XIRP2: variants seen among roughly 807,000 people sequenced by gnomAD.
The protein encoded by XIRP2 is xin actin binding repeat containing 2.
XIRP2 carries 236 observed loss-of-function variants against 277.0 expected under a neutral mutation model. The ratio of observed to expected loss-of-function variants is 0.85; its 90% confidence interval spans 0.77 to 0.95. The LOEUF (loss-of-function observed/expected upper bound fraction) is 0.95. Ranked by LOEUF, XIRP2 falls within the 40% of genes least tolerant of loss-of-function variation. The pLI, the probability that XIRP2 is intolerant of heterozygous loss-of-function variation, is 0.00. For synonymous variants in XIRP2, 1,490 were observed against 1,416.5 expected (o/e 1.05, Z -1.17); for missense variants, 4,640 against 4,157.5 (o/e 1.12, Z -3.19).
rs376240141 is a variant in XIRP2, at chr2:167,243,650, A to T, written c.2258A>T (p.Glu753Val). ...VIRDGSGQML[E>V]IKTVHREDVE... is the part of the protein sequence containing the mutation. ...AGAGATGGTTCGGGCCAAATGCTGG[A>T]AATTAAAACTGTTCACAGAGAAGAC... The change falls in exon 9 of 11, where the codon GAA becomes GTA. Residue 753 changes from glutamate (E) to valine (V), a missense_variant. Transcript: ENST00000409195. 1 of 1,613,962 alleles carries T rather than the reference A, an allele frequency of 6.2e-7. No homozygotes were observed. The highest frequency in any genetic ancestry group is 8.5e-7 in the Non-Finnish European group (1 of 1,179,992).
At chr2:167,191,723 C>G (rs1444552992) in intron 3 of XIRP2, among the ~76,000 whole-genome samples, 1 of 152,304 alleles carries the variant, frequency 6.6e-6, no homozygotes, top group East Asian at 1.9e-4. Context: ...GGACACATCA[C>G]TTTTCACTAC....
chr2:166,959,673 A>G (rs1686252141), intron 2 of XIRP2, among the ~76,000 whole-genome samples: 1 of 151,848 alleles, frequency 6.6e-6, no homozygotes, highest in Non-Finnish European at 1.5e-5. Flanking sequence ...ATCTCAGCAT[A>G]GCAGGGTTTA....
At chr2:167,226,285 C>T (rs1694599286) in intron 5 of XIRP2, among the ~76,000 whole-genome samples, 1 of 152,136 alleles carries the variant, frequency 6.6e-6, no homozygotes, top group South Asian at 2.1e-4. Context: ...AAAACTGTGT[C>T]CATGGCGCTG....
At chr2:166,963,524 C>A (rs747806196) in intron 2 of XIRP2, among the ~76,000 whole-genome samples, 2 of 151,822 alleles carry the variant, frequency 1.3e-5, no homozygotes, top group Non-Finnish European at 2.9e-5. Flanking sequence ...GAGACTCTTT[C>A]GTAAGGAATG....
intron 8 of XIRP2, 35 bp from the exon 9 acceptor site, chr2:167,242,534 C>G (rs1219861939): frequency 6.4e-7 from 1 of 1,573,336 alleles, no homozygotes; most frequent in South Asian, 1.2e-5. Context: ...CCACTACACT[C>G]ACCTTTATAA....
rs569665350 is a variant in XIRP2, at chr2:166,920,345, C to G, written c.408+16455C>G. Among the ~76,000 whole-genome samples, 7 of 152,204 alleles carry G rather than the reference C, an allele frequency of 4.6e-5. 1 individual carries two copies. The highest frequency in any genetic ancestry group is 1.7e-4 in the African/African-American group (7 of 41,538). ...TTCAAGTTGATCTCAGTCCAGAAGC[C>G]ACAATATTAAAATACTGCTCTCTAG... On this transcript the variant is annotated intron_variant, in intron 2 of 10. Transcript: ENST00000409195.
chr2:167,088,698 A>G lies in XIRP2; in HGVS notation c.409-47211A>G, dbSNP rs191992463. Among the ~76,000 whole-genome samples the G allele has an allele frequency of 7.2e-5, 11 of 152,154 alleles. 1 individual carries two copies. The highest frequency in any genetic ancestry group is 5.8e-4 in the East Asian group (3 of 5,168). On this transcript the variant is annotated intron_variant, in intron 2 of 10. Transcript: ENST00000409195. ...GCCCCAGGCATACTGGCCTTCCTCA[A>G]TTCCCCCAAATCCCTAGCACATGCT...
chr2:167,245,725 C>T lies in XIRP2; in HGVS notation c.4333C>T (p.Gln1445Ter). Residue 1445 changes from glutamine to a stop codon, truncating the protein, a stop_gained, in exon 9 of 11, where the codon CAA becomes TAA. Coordinates refer to ENST00000409195, the MANE Select transcript of XIRP2 (RefSeq NM_152381.6). LOFTEE classifies it high-confidence loss of function. Reference sequence around the variant, plus strand: ...ACGAACAGTAAGTGTCAATGAAATACAAAAGGGCAATGTTAAAACATCTAC... The same window carrying T: ...ACGAACAGTAAGTGTCAATGAAATATAAAAGGGCAATGTTAAAACATCTAC... Reference protein sequence around the residue: ...YIRTVSVNEIQKGNVKTSTWL... With the variant: ...YIRTVSVNEI 2 of 1,613,558 alleles carry T rather than the reference C, an allele frequency of 1.2e-6. No homozygotes were observed. Among genetic ancestry groups the T allele is most frequent in the Non-Finnish European group, 1.7e-6 (2 of 1,179,712 alleles).
chr2:167,194,256 T>A (rs112733542), intron 3 of XIRP2, among the ~76,000 whole-genome samples: 4,353 of 151,912 alleles, frequency 0.029, 95 homozygotes, highest in African/African-American at 0.053. Flanking sequence ...AATTTTTGTA[T>A]TTTTAGTAGA....
In XIRP2 at chr2:167,244,551, A is replaced by G; in HGVS notation, c.3159A>G (p.Lys1053=). 6.2e-7 allele frequency: 1 copy of G among 1,613,022 alleles called. No homozygotes were observed. Among genetic ancestry groups the G allele is most frequent in the Non-Finnish European group, 8.5e-7 (1 of 1,179,582 alleles). The part of the protein sequence containing the change: ...SAQEIQTGNV[K]SAKWLFETQP... ...AAGAAATACAGACTGGAAATGTGAA[A>G]TCTGCCAAATGGTTGTTTGAAACCC... The change falls in exon 9 of 11, where the codon AAA becomes AAG. Residue 1053 remains lysine, a synonymous_variant. Transcript: ENST00000409195.
intron 3 of XIRP2, among the ~76,000 whole-genome samples, chr2:167,139,111 CATATAT>C (rs376402915): frequency 6.9e-6 from 1 of 145,876 alleles, no homozygotes; most frequent in Non-Finnish European, 1.5e-5. Flanking sequence ...TATATATATG[CATATAT>C]ATATATATGA....
intron 2 of XIRP2, among the ~76,000 whole-genome samples, chr2:167,072,819 A>T (rs142413007): frequency 5.9e-5 from 9 of 152,292 alleles, no homozygotes; most frequent in African/African-American, 2.2e-4. Context: ...CATTTGCAGG[A>T]CTGAAGAGAC....
intron 3 of XIRP2, among the ~76,000 whole-genome samples, chr2:167,182,689 A>G (rs1693050903): frequency 6.6e-6 from 1 of 152,188 alleles, no homozygotes; most frequent in Admixed American, 6.6e-5. Context: ...GTTTCTTTCT[A>G]TAAAATGGTG....
intron 2 of XIRP2, among the ~76,000 whole-genome samples, chr2:167,093,020 C>T (rs1435328263): frequency 1.3e-5 from 2 of 151,986 alleles, no homozygotes; most frequent in Non-Finnish European, 2.9e-5. Flanking sequence ...AAACCATATT[C>T]GTGGAAATAG....
rs774324253 is a variant in XIRP2, at chr2:166,969,753, GA to G, written c.408+65875del. 3.3e-3 allele frequency among the ~76,000 whole-genome samples: 469 copies of G among 142,132 alleles called. 1 individual carries two copies. Among genetic ancestry groups the G allele is most frequent in the East Asian group, 6.9e-3 (34 of 4,898 alleles). 93.2% of individuals were successfully genotyped at this position (142,132 alleles called of 152,430 possible). ...TTCATTATGCCCTTTCCTTTGGGAG[GA>G]AAAAAAAAAAAGTATAAACTGATGC... On this transcript the variant is annotated intron_variant, in intron 2 of 10. Transcript: ENST00000409195.
chr2:166,925,598 T>TATATATATATATATATATATATATAC (rs1337261232), intron 2 of XIRP2, among the ~76,000 whole-genome samples: 9 of 37,352 alleles, frequency 2.4e-4, no homozygotes, highest in South Asian at 1.3e-3. Context: ...TGTATATACA[T>TATATATATATATATATATATATATAC]ATATATATAT....
intron 2 of XIRP2, among the ~76,000 whole-genome samples, chr2:167,117,109 G>A (rs1690917049): frequency 6.6e-6 from 1 of 152,136 alleles, no homozygotes; most frequent in African/African-American, 2.4e-5. Flanking sequence ...ACAATAGTAA[G>A]AGGCATAAAA....
chr2:167,239,046 CAT>C (rs920361537), intron 5 of XIRP2, among the ~76,000 whole-genome samples: 42 of 152,194 alleles, frequency 2.8e-4, no homozygotes, highest in African/African-American at 8.4e-4. Flanking sequence ...GATAGGGAGA[CAT>C]AAACTAGCAT....
At chr2:167,132,919 C>T (rs1054469074) in intron 2 of XIRP2, among the ~76,000 whole-genome samples, 4 of 152,134 alleles carry the variant, frequency 2.6e-5, no homozygotes, top group Non-Finnish European at 4.4e-5. Context: ...CTATTTGCCT[C>T]CTTCTCTAGA....
Sources: gnomAD v4.1 joint callset for allele counts (sites outside exome capture counted in the v4.1 genomes callset) on GRCh38, gnomAD v4.1.1 for gene constraint, MANE v1.5 for transcripts, NCBI Gene and HGNC (gene_info 2026-07-23, HGNC 2026-07-21) for gene names.